DRC2: variants seen among roughly 807,000 people sequenced by gnomAD.
The protein encoded by DRC2 is dynein regulatory complex subunit 2, also known as coiled-coil domain containing 65.
chr12:48,917,765 A>G, the DRC2 span, among the ~76,000 whole-genome samples: 1 of 152,202 alleles, frequency 6.6e-6, no homozygotes, highest in Non-Finnish European at 1.5e-5. Context: ...TTTGTGGTAG[A>G]ATCAGGAGAA....
chr12:48,907,313 A>C, the DRC2 span, among the ~76,000 whole-genome samples: 1 of 152,314 alleles, frequency 6.6e-6, no homozygotes, highest in Non-Finnish European at 1.5e-5. Flanking sequence ...GGAGTTATGT[A>C]TCTCGTACTG....
chr12:48,912,809 C>T, the DRC2 span, among the ~76,000 whole-genome samples: 3 of 152,054 alleles, frequency 2.0e-5, no homozygotes, highest in Non-Finnish European at 4.4e-5. Context: ...CCCTTTTGGT[C>T]TTTTATAGTT....
the DRC2 span, chr12:48,920,909 C>G: frequency 1.1e-5 from 17 of 1,595,472 alleles, no homozygotes; most frequent in South Asian, 1.9e-4. Context: ...CTAATATAAA[C>G]TCTCTTCCCG....
the DRC2 span, among the ~76,000 whole-genome samples, chr12:48,911,048 C>T: frequency 6.6e-6 from 1 of 152,148 alleles, no homozygotes; most frequent in African/African-American, 2.4e-5. Context: ...TAAAGAGCTT[C>T]TTATTTTACA....
chr12:48,918,844 G>C, the DRC2 span: 2 of 1,614,104 alleles, frequency 1.2e-6, no homozygotes, highest in Non-Finnish European at 1.7e-6. Flanking sequence ...GAAGAACTTA[G>C]TCAGACTCAC....
the DRC2 span, chr12:48,914,478 C>T: frequency 1.8e-4 from 298 of 1,614,206 alleles, 2 homozygotes; most frequent in African/African-American, 3.6e-3. Flanking sequence ...ACAATGTTGA[C>T]CAGCTCTTGG....
chr12:48,917,537 C>T, the DRC2 span, among the ~76,000 whole-genome samples: 9 of 152,138 alleles, frequency 5.9e-5, no homozygotes, highest in Non-Finnish European at 1.3e-4. Context: ...TTAGCCAACA[C>T]AGTCAATAAA....
At chr12:48,918,255 A>AT in the DRC2 span, 1 of 1,612,146 alleles carries the variant, frequency 6.2e-7, no homozygotes, top group Non-Finnish European at 8.5e-7. Context: ...AACATTTGCT[A>AT]TTTTGGGGTC....
the DRC2 span, among the ~76,000 whole-genome samples, chr12:48,920,180 A>G: frequency 0.33 from 47,824 of 145,494 alleles, 8,852 homozygotes; most frequent in Admixed American, 0.48. Context: ...AGTGGCTCAC[A>G]CCTGTAATCC....
chr12:48,921,403 G>A, the DRC2 span: 7,634 of 1,613,282 alleles, frequency 4.7e-3, 313 homozygotes, highest in African/African-American at 0.087. Flanking sequence ...TTGTCCATAC[G>A]TATAGCCCAT....
the DRC2 span, among the ~76,000 whole-genome samples, chr12:48,916,348 G>A: frequency 1.4e-4 from 21 of 151,458 alleles, no homozygotes; most frequent in African/African-American, 4.4e-4. Flanking sequence ...CTGCAATCCC[G>A]GCACCTCGGG....
the DRC2 span, chr12:48,904,822 C>A: frequency 1.3e-6 from 1 of 795,116 alleles, no homozygotes; most frequent in South Asian, 2.2e-5. Flanking sequence ...CTTGCCCTCC[C>A]TAAATGCCAT....
the DRC2 span, chr12:48,904,357 G>A: frequency 7.4e-6 from 12 of 1,613,630 alleles, no homozygotes; most frequent in East Asian, 2.2e-5. Context: ...AAGAAAAAAT[G>A]GCCAAGACGC....
the DRC2 span, chr12:48,905,239 A>T: frequency 1.2e-6 from 1 of 852,058 alleles, no homozygotes; most frequent in African/African-American, 1.7e-5. Context: ...ATTGGTAATA[A>T]TGGTTTTCAC....
At chr12:48,905,015 G>A in the DRC2 span, 1 of 1,614,106 alleles carries the variant, frequency 6.2e-7, no homozygotes, top group East Asian at 2.2e-5. Context: ...GTGGAGAACT[G>A]TCCTTCGGGA....
At chr12:48,917,282 C>CCT in the DRC2 span, among the ~76,000 whole-genome samples, 1 of 130,126 alleles carries the variant, frequency 7.7e-6, no homozygotes, top group Non-Finnish European at 1.6e-5. Flanking sequence ...GAGTCCCCCC[C>CCT]ATCTCTACCG....
the DRC2 span, chr12:48,904,170 T>C: frequency 1.2e-6 from 1 of 822,580 alleles, no homozygotes; most frequent in Non-Finnish European, 1.9e-6. Context: ...GCCTCACTGA[T>C]AGCCGGGGAT....
At chr12:48,912,179 T>C in the DRC2 span, among the ~76,000 whole-genome samples, 3 of 152,004 alleles carry the variant, frequency 2.0e-5, no homozygotes, top group Non-Finnish European at 4.4e-5. Flanking sequence ...GAGAATCACT[T>C]GAACCTGTGG....
the DRC2 span, among the ~76,000 whole-genome samples, chr12:48,908,031 G>C: frequency 6.6e-6 from 1 of 152,064 alleles, no homozygotes; most frequent in Non-Finnish European, 1.5e-5. Context: ...CTACACTCAA[G>C]CTCCTGGGCT....
Sources: gnomAD v4.1 joint callset for allele counts (sites outside exome capture counted in the v4.1 genomes callset) on GRCh38, gnomAD v4.1.1 for gene constraint, MANE v1.5 for transcripts, NCBI Gene and HGNC (gene_info 2026-07-23, HGNC 2026-07-21) for gene names.